The following AGBL4 variants were observed in gnomAD, a reference collection of about 807,000 sequenced individuals.
AGBL4 encodes AGBL carboxypeptidase 4, also known as cytosolic carboxypeptidase 6.
AGBL4 carries 58 observed loss-of-function variants against 66.4 expected under a neutral mutation model. The ratio of observed to expected loss-of-function variants is 0.87; its 90% CI spans 0.71 to 1.09. AGBL4 has a LOEUF of 1.09. AGBL4 is among the 50% of genes least tolerant of loss of function. AGBL4 has a pLI of 0.00. For synonymous variants in AGBL4, 234 were observed against 222.9 expected, an observed-to-expected ratio of 1.05 and a Z score of -0.44; for missense variants, 579 against 631.0, an observed-to-expected ratio of 0.92 and a Z score of 0.88.
intron 1 of AGBL4, among the ~76,000 whole-genome samples, chr1:49,997,011 A>C (rs114843353): frequency 7.8e-4 from 118 of 152,252 alleles, no homozygotes; most frequent in Non-Finnish European, 1.4e-3. Flanking sequence ...TGCTGAGAGG[A>C]TTTGCCAAAA....
intron 2 of AGBL4, among the ~76,000 whole-genome samples, chr1:49,720,723 T>G (rs896074718): frequency 3.9e-5 from 6 of 152,092 alleles, no homozygotes; most frequent in African/African-American, 1.4e-4. Flanking sequence ...TGCTGCTGCA[T>G]AGAAGTGAAT....
chr1:49,874,871 A>T (rs1270845703), intron 1 of AGBL4, among the ~76,000 whole-genome samples: 21 of 148,762 alleles, frequency 1.4e-4, no homozygotes, highest in East Asian at 1.0e-3. Flanking sequence ...CATGTGCACA[A>T]TGTGCAGGTT....
intron 11 of AGBL4, chr1:48,584,794 G>A (rs898780716): frequency 1.3e-5 from 2 of 152,132 alleles, no homozygotes; most frequent in African/African-American, 4.8e-5. Flanking sequence ...GACTGCGTGT[G>A]AGTTCCCTCT....
chr1:49,141,379 A>T lies in AGBL4; in HGVS notation c.378-95579T>A, dbSNP rs1646114758. 2.0e-5 allele frequency among the ~76,000 whole-genome samples: 3 copies of T among 152,114 alleles called. No individual in the cohort carries two copies. The South Asian group carries it at 6.2e-4, about 32-fold the overall frequency. On this transcript the variant is annotated intron_variant, in intron 4 of 13. Coordinates refer to ENST00000371839, the MANE Select transcript of AGBL4 (RefSeq NM_032785.4). The stretch of plus-strand genomic sequence containing the variant: ...TATTCTATTATTTTAAATCACTATC[A>T]TTATTGCTAACACATGTCAGGCCCT...
chr1:50,023,792 G>A lies in AGBL4; in HGVS notation c.5C>T (p.Ala2Val), dbSNP rs757959601. 5 of 1,549,048 alleles carry A rather than the reference G, an allele frequency of 3.2e-6. No homozygotes were observed. The highest frequency in any genetic ancestry group is 4.4e-6 in the Non-Finnish European group (5 of 1,145,904). The change falls in exon 1 of 14, where the codon GCG becomes GTG. Residue 2 changes from alanine (A) to valine (V), a missense_variant. Physicochemically the swap from Ala to Val is moderately conservative, Grantham distance 64 (BLOSUM62 0). Coordinates refer to ENST00000371839, the MANE Select transcript of AGBL4 (RefSeq NM_032785.4). MAEGSQSAPEAG... is the reference protein window; with the variant it reads MVEGSQSAPEAG... ...CTCAGGCGCCGACTGGCTCCCCTCC[G>A]CCATTTTTGTTGTCCCTCAGTCTCC...
At chr1:48,580,972 C>T (rs151318366) in intron 11 of AGBL4, among the ~76,000 whole-genome samples, 8 of 152,224 alleles carry the variant, frequency 5.3e-5, no homozygotes, top group South Asian at 2.1e-4. Context: ...TCTTCCTCCA[C>T]GAAGCCTTTC....
intron 3 of AGBL4, among the ~76,000 whole-genome samples, chr1:49,250,523 A>C (rs1355186642): frequency 1.4e-5 from 2 of 146,782 alleles, no homozygotes; most frequent in East Asian, 2.0e-4. Flanking sequence ...AGCTCATTGC[A>C]ACCTCCACCT....
At chr1:49,767,290 C>A (rs1254002220) in intron 2 of AGBL4, among the ~76,000 whole-genome samples, 1 of 151,658 alleles carries the variant, frequency 6.6e-6, no homozygotes, top group Non-Finnish European at 1.5e-5. Flanking sequence ...AAATAGAAAT[C>A]AATACCAAGA....
chr1:49,571,939 T>C (rs1644339521), intron 3 of AGBL4, among the ~76,000 whole-genome samples: 1 of 152,268 alleles, frequency 6.6e-6, no homozygotes, highest in Non-Finnish European at 1.5e-5. Context: ...TAGTCTATTA[T>C]CTTTTTATGT....
At chr1:49,233,823 C>G (rs1650512685) in intron 4 of AGBL4, among the ~76,000 whole-genome samples, 1 of 152,108 alleles carries the variant, frequency 6.6e-6, no homozygotes, top group South Asian at 2.1e-4. Flanking sequence ...TACCAAAATC[C>G]ATGTTCTCCA....
At chr1:49,607,759 T>G (rs1048136223) in intron 3 of AGBL4, among the ~76,000 whole-genome samples, 25 of 152,138 alleles carry the variant, frequency 1.6e-4, no homozygotes, top group African/African-American at 6.0e-4. Context: ...CAGTGTCAGA[T>G]CTGTTCATAT....
At chr1:49,303,127 C>A (rs1041000889) in intron 3 of AGBL4, among the ~76,000 whole-genome samples, 4 of 152,126 alleles carry the variant, frequency 2.6e-5, no homozygotes, top group African/African-American at 9.7e-5. Context: ...CACACTTGTG[C>A]ATGTATCTTT....
At chr1:48,759,107 G>C (rs767779765) in intron 6 of AGBL4, 4 of 1,611,706 alleles carry the variant, frequency 2.5e-6, no homozygotes, top group Non-Finnish European at 2.5e-6. Context: ...TACAGAGCCC[G>C]GGGCACCACA....
intron 4 of AGBL4, among the ~76,000 whole-genome samples, chr1:49,115,561 G>A (rs1388380547): frequency 2.6e-5 from 4 of 151,960 alleles, no homozygotes; most frequent in South Asian, 2.1e-4. Context: ...AAATATATAC[G>A]TGTACATATG....
intron 4 of AGBL4, among the ~76,000 whole-genome samples, chr1:49,149,724 T>C (rs997848323): frequency 2.6e-5 from 4 of 152,196 alleles, no homozygotes; most frequent in African/African-American, 4.8e-5. Context: ...CGAGTAATGA[T>C]GTAACCAGTG....
chr1:48,559,366 A>C (rs1325112495), intron 11 of AGBL4, among the ~76,000 whole-genome samples: 1 of 152,176 alleles, frequency 6.6e-6, no homozygotes, highest in Admixed American at 6.5e-5. Flanking sequence ...GTACACACAC[A>C]CAAACATGCA....
At chr1:49,628,029 C>T (rs1645497751) in intron 3 of AGBL4, among the ~76,000 whole-genome samples, 1 of 152,156 alleles carries the variant, frequency 6.6e-6, no homozygotes, top group Admixed American at 6.6e-5. Context: ...CTAACAAAAC[C>T]CAGCTCATAA....
At chr1:48,816,036 GGAAC>G (rs1400029796) in intron 6 of AGBL4, among the ~76,000 whole-genome samples, 1 of 145,186 alleles carries the variant, frequency 6.9e-6, no homozygotes, top group Non-Finnish European at 1.5e-5. Flanking sequence ...CACTTATTGA[GGAAC>G]TGTTTTGTGT....
At chr1:48,876,288 T>C (rs1212099063) in intron 5 of AGBL4, among the ~76,000 whole-genome samples, 1 of 152,144 alleles carries the variant, frequency 6.6e-6, no homozygotes, top group African/African-American at 2.4e-5. Flanking sequence ...GATAAACAGC[T>C]GAAACCCTTA....
Sources: gnomAD v4.1 joint callset for allele counts (sites outside exome capture counted in the v4.1 genomes callset) on GRCh38, gnomAD v4.1.1 for gene constraint, MANE v1.5 for transcripts, NCBI Gene and HGNC (gene_info 2026-07-23, HGNC 2026-07-21) for gene names.